Variants in SMYD3 observed in about 807,000 individuals in gnomAD.
The protein encoded by SMYD3 is SET and MYND domain containing 3, also known as histone-lysine N-methyltransferase SMYD3.
In SMYD3, 36 loss-of-function variants were observed where a neutral mutation model predicts 57.7. That is an observed-to-expected ratio of 0.62 (90% CI 0.48 to 0.82). The LOEUF (loss-of-function observed/expected upper bound fraction) is 0.82. Ranked by LOEUF, SMYD3 falls within the 40% of genes least tolerant of loss-of-function variation. The pLI is 0.00. For synonymous variants in SMYD3, 211 were observed against 195.0 expected (o/e 1.08, Z -0.68); for missense variants, 515 against 538.8 (o/e 0.96, Z 0.44).
chr1:246,487,289 A>G (rs554971209), intron 1 of SMYD3, among the ~76,000 whole-genome samples: 1 of 152,222 alleles, frequency 6.6e-6, no homozygotes, highest in South Asian at 2.1e-4. Context: ...TCTACTTAAA[A>G]TACAAAAATT....
rs538170852 is a variant in SMYD3 at position 246,080,681 on chromosome 1, TTAC to T, written c.532-150747_532-150745del. ...TTTTACCATACAAAGGAGGAAATCC[TTAC>T]TACACCTTAGTGTCCAAGTTCAGTA... is the stretch of plus-strand genomic sequence containing the variant. On this transcript the variant is annotated intron_variant, in intron 5 of 11. Transcript: ENST00000490107. 3.9e-5 allele frequency among the ~76,000 whole-genome samples: 6 copies of T among 152,364 alleles called. No individual in the cohort carries two copies. In the South Asian group the frequency reaches 1.2e-3, roughly 32 times the overall value.
intron 1 of SMYD3, among the ~76,000 whole-genome samples, chr1:246,363,103 G>A (rs2066027927): frequency 6.6e-6 from 1 of 150,838 alleles, no homozygotes. Flanking sequence ...GAGCGTCTCT[G>A]CCTGGCCGCC....
chr1:245,902,000 C>G (rs541275316), intron 8 of SMYD3, among the ~76,000 whole-genome samples: 43 of 152,234 alleles, frequency 2.8e-4, no homozygotes, highest in Admixed American at 1.9e-3. Context: ...AGTCACCCCT[C>G]AGGACCCAAG....
intron 1 of SMYD3, among the ~76,000 whole-genome samples, chr1:246,453,575 AGT>A (rs1257290686): frequency 1.3e-5 from 2 of 152,246 alleles, no homozygotes. Flanking sequence ...CTGGTTTATC[AGT>A]GAACATAAAC....
chr1:245,846,393 A>G (rs2050666554), intron 10 of SMYD3, among the ~76,000 whole-genome samples: 1 of 152,334 alleles, frequency 6.6e-6, no homozygotes, highest in East Asian at 1.9e-4. Context: ...GTCATATGGT[A>G]GGAAAACAGA....
chr1:246,141,676 G>A (rs909244849), intron 5 of SMYD3, among the ~76,000 whole-genome samples: 2 of 152,002 alleles, frequency 1.3e-5, no homozygotes, highest in Non-Finnish European at 2.9e-5. Flanking sequence ...ACATGCCAAC[G>A]TAAACACATT....
intron 5 of SMYD3, among the ~76,000 whole-genome samples, chr1:246,009,457 A>G (rs2059238478): frequency 6.6e-6 from 1 of 152,198 alleles, no homozygotes. Context: ...TCACAGAAAT[A>G]TTTGTGAATA....
chr1:246,094,118 T>C lies in SMYD3; in HGVS notation c.532-164181A>G, dbSNP rs547002940. Among the ~76,000 whole-genome samples the C allele has an allele frequency of 1.2e-4, 18 of 152,234 alleles. No individual in the cohort carries two copies. In the South Asian group the frequency reaches 3.5e-3, roughly 30 times the overall value. On this transcript the variant is annotated intron_variant, in intron 5 of 11. Transcript: ENST00000490107. ...ACTACAAGGACTACTCCAGCCGCTG[T>C]CATGGGGGCAGCTGCCTGCGGGAGA...
intron 8 of SMYD3, among the ~76,000 whole-genome samples, chr1:245,876,805 T>C (rs2052511288): frequency 6.6e-6 from 1 of 152,164 alleles, no homozygotes; most frequent in East Asian, 1.9e-4. Flanking sequence ...CATTTCTAAA[T>C]ACCGCACGTG....
In SMYD3 at chr1:245,775,223, G is replaced by A. The variant is rs528637124; in HGVS notation, c.1077-11074C>T. Reference sequence around the variant, plus strand: ...CCGCCCTGTCCGGGAGGTGTACGCAGCAGGTCATTGAGAACGGGCCATGAT... The same window carrying A: ...CCGCCCTGTCCGGGAGGTGTACGCAACAGGTCATTGAGAACGGGCCATGAT... On this transcript the variant is annotated intron_variant, in intron 10 of 11. Coordinates refer to ENST00000490107, the MANE Select transcript of SMYD3 (RefSeq NM_001167740.2). 8.4e-3 allele frequency among the ~76,000 whole-genome samples: 1,283 copies of A among 152,328 alleles called. 19 individuals carry two copies. The highest frequency in any genetic ancestry group is 0.028 in the African/African-American group (1,182 of 41,576).
chr1:245,839,779 G>A (rs984675987), intron 10 of SMYD3, among the ~76,000 whole-genome samples: 1 of 151,426 alleles, frequency 6.6e-6, no homozygotes, highest in Non-Finnish European at 1.5e-5. Flanking sequence ...TGGAGCAAGA[G>A]AAAGCAGAAT....
At chr1:246,439,002 G>A (rs376748049) in intron 1 of SMYD3, among the ~76,000 whole-genome samples, 21 of 151,590 alleles carry the variant, frequency 1.4e-4, no homozygotes, top group East Asian at 5.9e-4. Flanking sequence ...GAGTGGTACC[G>A]GTCCTCGGCC....
At chr1:245,854,468 G>A (rs1397840708) in intron 10 of SMYD3, among the ~76,000 whole-genome samples, 1 of 152,146 alleles carries the variant, frequency 6.6e-6, no homozygotes, top group African/African-American at 2.4e-5. Context: ...GCATATCCAT[G>A]AGATGAAATA....
chr1:245,850,867 G>A (rs985676647), intron 10 of SMYD3, among the ~76,000 whole-genome samples: 11 of 152,186 alleles, frequency 7.2e-5, no homozygotes, highest in Non-Finnish European at 1.6e-4. Flanking sequence ...CATGAGCACA[G>A]CCTCCAGCTT....
intron 1 of SMYD3, among the ~76,000 whole-genome samples, chr1:246,404,845 C>A (rs1261953280): frequency 6.6e-6 from 1 of 152,118 alleles, no homozygotes; most frequent in South Asian, 2.1e-4. Flanking sequence ...AAGTATAAAA[C>A]CTTTCTTTCA....
chr1:245,833,073 A>ACACAAC (rs1553337078), intron 10 of SMYD3, among the ~76,000 whole-genome samples: 4 of 128,666 alleles, frequency 3.1e-5, no homozygotes, highest in Non-Finnish European at 3.2e-5. Context: ...AAAAAAAAAA[A>ACACAAC]AACCTGCTTT....
At chr1:245,862,112 T>A (rs2148488846) in intron 9 of SMYD3, among the ~76,000 whole-genome samples, 1 of 152,286 alleles carries the variant, frequency 6.6e-6, no homozygotes, top group South Asian at 2.1e-4. Context: ...TTTCCTAGTA[T>A]CTTCCATCTC....
At chr1:246,108,414 C>T (rs2061169195) in intron 5 of SMYD3, among the ~76,000 whole-genome samples, 1 of 152,142 alleles carries the variant, frequency 6.6e-6, no homozygotes, top group Non-Finnish European at 1.5e-5. Context: ...AGAGATCACA[C>T]CCTCACACAA....
chr1:245,851,781 G>A (rs2050988217), intron 10 of SMYD3, among the ~76,000 whole-genome samples: 1 of 152,196 alleles, frequency 6.6e-6, no homozygotes, highest in African/African-American at 2.4e-5. Context: ...AGCAGGTTCT[G>A]GCAATGCTGT....
Sources: gnomAD v4.1 joint callset for allele counts (sites outside exome capture counted in the v4.1 genomes callset) on GRCh38, gnomAD v4.1.1 for gene constraint, MANE v1.5 for transcripts, NCBI Gene and HGNC (gene_info 2026-07-23, HGNC 2026-07-21) for gene names.